The following EFNA5 variants were observed in gnomAD, a reference collection of about 807,000 sequenced individuals.
EFNA5 encodes the protein ephrin-A5.
Under a neutral mutation model 22.9 loss-of-function variants are expected in EFNA5, and 5 were observed. The observed-to-expected ratio is 0.22, with a 90% CI of 0.11 to 0.46. The LOEUF (loss-of-function observed/expected upper bound fraction) is 0.46. Among genes scored for constraint, EFNA5 ranks in the 20% least tolerant of loss-of-function variants. The probability of loss-of-function intolerance (pLI) is 0.99; values close to 1 mark genes in which losing one functional copy is unlikely to be tolerated. For missense variants in EFNA5, 237 were observed against 293.3 expected, an observed-to-expected ratio of 0.81 and a Z score of 1.40; for synonymous variants, 113 against 112.2, an observed-to-expected ratio of 1.01 and a Z score of -0.04.
intron 1 of EFNA5, among the ~76,000 whole-genome samples, chr5:107,488,396 G>A (rs17594699): frequency 0.027 from 4,183 of 152,152 alleles, 99 homozygotes; most frequent in East Asian, 0.097. Context: ...AGTCAAAGAC[G>A]GTGAGTGAAG....
At chr5:107,420,780 A>G (rs140706900) in intron 2 of EFNA5, among the ~76,000 whole-genome samples, 96 of 152,282 alleles carry the variant, frequency 6.3e-4, no homozygotes, top group Non-Finnish European at 1.1e-3. Flanking sequence ...GCATTTATCC[A>G]TGCAATAAAT....
chr5:107,652,725 T>A (rs1750756633), intron 1 of EFNA5, among the ~76,000 whole-genome samples: 1 of 152,198 alleles, frequency 6.6e-6, no homozygotes, highest in Non-Finnish European at 1.5e-5. Flanking sequence ...GGATGTTTAC[T>A]TTTCTAGTTA....
At chr5:107,521,696 C>T (rs1404574164) in intron 1 of EFNA5, among the ~76,000 whole-genome samples, 1 of 152,032 alleles carries the variant, frequency 6.6e-6, no homozygotes, top group Non-Finnish European at 1.5e-5. Flanking sequence ...TACTGCATAT[C>T]GCCAGCCTGG....
intron 1 of EFNA5, among the ~76,000 whole-genome samples, chr5:107,526,936 T>C (rs1173509597): frequency 6.6e-6 from 1 of 152,236 alleles, no homozygotes; most frequent in African/African-American, 2.4e-5. Flanking sequence ...CCTTCACCTA[T>C]GCTGTTCTTT....
chr5:107,619,582 C>A (rs756511405), intron 1 of EFNA5, among the ~76,000 whole-genome samples: 1 of 151,914 alleles, frequency 6.6e-6, no homozygotes, highest in Non-Finnish European at 1.5e-5. Flanking sequence ...CCTGCCTCAG[C>A]CTCTCAAGTA....
intron 1 of EFNA5, among the ~76,000 whole-genome samples, chr5:107,609,577 T>C (rs967798571): frequency 5.3e-5 from 8 of 152,034 alleles, no homozygotes; most frequent in African/African-American, 1.9e-4. Context: ...GGAAGAAAAA[T>C]TGCCGCTGAG....
intron 1 of EFNA5, among the ~76,000 whole-genome samples, chr5:107,643,320 A>G (rs899432503): frequency 1.3e-5 from 2 of 152,164 alleles, no homozygotes; most frequent in Non-Finnish European, 2.9e-5. Context: ...ATTCAAATCC[A>G]ACCATTTACA....
chr5:107,459,275 C>T (rs1749774204), intron 1 of EFNA5, among the ~76,000 whole-genome samples: 1 of 151,326 alleles, frequency 6.6e-6, no homozygotes, highest in East Asian at 1.9e-4. Flanking sequence ...ATAGCTTGAA[C>T]CTGGGAGGTG....
intron 1 of EFNA5, among the ~76,000 whole-genome samples, chr5:107,482,030 C>G (rs1462410718): frequency 1.3e-5 from 2 of 152,052 alleles, no homozygotes; most frequent in East Asian, 1.9e-4. Context: ...TAAATGCTGG[C>G]TGGGCGTAGT....
At chr5:107,603,615 A>G (rs1749650223) in intron 1 of EFNA5, among the ~76,000 whole-genome samples, 1 of 152,194 alleles carries the variant, frequency 6.6e-6, no homozygotes, top group African/African-American at 2.4e-5. Context: ...AAAACATTAA[A>G]TCACCAAATT....
At chr5:107,612,938 A>G (rs1283639485) in intron 1 of EFNA5, among the ~76,000 whole-genome samples, 1 of 152,182 alleles carries the variant, frequency 6.6e-6, no homozygotes, top group Non-Finnish European at 1.5e-5. Context: ...GGAATAAAAT[A>G]AATAGTTTCC....
intron 1 of EFNA5, among the ~76,000 whole-genome samples, chr5:107,649,206 T>C (rs1750683688): frequency 6.6e-6 from 1 of 152,114 alleles, no homozygotes; most frequent in African/African-American, 2.4e-5. Flanking sequence ...CCCAGAGCAA[T>C]CGATGACTTG....
chr5:107,585,717 C>T (rs1002343133), intron 1 of EFNA5, among the ~76,000 whole-genome samples: 2 of 152,132 alleles, frequency 1.3e-5, no homozygotes, highest in African/African-American at 4.8e-5. Context: ...AAAATCAAGT[C>T]AATCCCCAAA....
intron 1 of EFNA5, among the ~76,000 whole-genome samples, chr5:107,662,374 T>A (rs918752516): frequency 3.3e-5 from 5 of 152,206 alleles, no homozygotes; most frequent in Admixed American, 6.6e-5. Flanking sequence ...GTCAGGTTAC[T>A]TTTGAAATTA....
chr5:107,394,939 C>T (rs545411383), intron 2 of EFNA5, among the ~76,000 whole-genome samples: 2 of 149,574 alleles, frequency 1.3e-5, no homozygotes, highest in East Asian at 4.0e-4. Flanking sequence ...TGATTTGTCT[C>T]ATATAGTTTG....
At chr5:107,663,852 T>A (rs950518012) in intron 1 of EFNA5, among the ~76,000 whole-genome samples, 2 of 152,104 alleles carry the variant, frequency 1.3e-5, no homozygotes, top group Non-Finnish European at 2.9e-5. Context: ...CTCACTTGAG[T>A]GGAAAATAAG....
At chr5:107,650,921 T>G (rs982092199) in intron 1 of EFNA5, among the ~76,000 whole-genome samples, 1 of 152,246 alleles carries the variant, frequency 6.6e-6, no homozygotes, top group Non-Finnish European at 1.5e-5. Flanking sequence ...ACGAAACATT[T>G]AACCTCCGGT....
intron 1 of EFNA5, among the ~76,000 whole-genome samples, chr5:107,434,288 T>C (rs1425575280): frequency 6.6e-6 from 1 of 152,186 alleles, no homozygotes; most frequent in Non-Finnish European, 1.5e-5. Flanking sequence ...TTTTCTTCCT[T>C]ATGATTTTCA....
chr5:107,604,251 C>T (rs1287285190), intron 1 of EFNA5, among the ~76,000 whole-genome samples: 1 of 152,148 alleles, frequency 6.6e-6, no homozygotes, highest in Non-Finnish European at 1.5e-5. Context: ...TGTATCACGG[C>T]TCACTGCCAC....
Sources: allele counts gnomAD v4.1 joint callset (sites outside exome capture counted in the v4.1 genomes callset), GRCh38; gene constraint gnomAD v4.1.1; transcripts MANE v1.5; gene names NCBI Gene and HGNC (gene_info 2026-07-23, HGNC 2026-07-21).